RBM20: variants seen among roughly 807,000 people sequenced by gnomAD.
The protein encoded by RBM20 is RNA binding motif protein 20, also known as RNA-binding protein 20.
In RBM20, 51 loss-of-function variants were observed where a neutral mutation model predicts 110.1. That is an observed-to-expected ratio of 0.46 (90% CI 0.37 to 0.59). The LOEUF (loss-of-function observed/expected upper bound fraction) is 0.59. RBM20 is among the 20% of genes least tolerant of loss of function. The probability of loss-of-function intolerance (pLI) is 0.00; values close to 1 mark genes in which losing one functional copy is unlikely to be tolerated. For missense variants in RBM20, 1,512 were observed against 1,574.9 expected (o/e 0.96, Z 0.68); for synonymous variants, 589 against 618.2 (o/e 0.95, Z 0.70).
chr10:110,776,004 A>G (rs1844257592), intron 1 of RBM20, among the ~76,000 whole-genome samples: 1 of 152,196 alleles, frequency 6.6e-6, no homozygotes, highest in Admixed American at 6.5e-5. Context: ...CAATTTAGCA[A>G]CCATGGCATG....
At chr10:110,664,219 T>C (rs1862146189) in intron 1 of RBM20, among the ~76,000 whole-genome samples, 1 of 151,892 alleles carries the variant, frequency 6.6e-6, no homozygotes, top group Non-Finnish European at 1.5e-5. Context: ...CTTAGAAAAA[T>C]GTTGATTCCA....
chr10:110,784,924 A>C (rs779540008), intron 5 of RBM20, 35 bp downstream of exon 5: 3 of 1,245,818 alleles, frequency 2.4e-6, no homozygotes, highest in African/African-American at 1.8e-5. Context: ...GAAATTAATG[A>C]AAATGATTAT....
At chr10:110,780,486 C>A (rs372780655) in intron 1 of RBM20, among the ~76,000 whole-genome samples, 17 of 152,274 alleles carry the variant, frequency 1.1e-4, no homozygotes, top group African/African-American at 3.9e-4. Flanking sequence ...GCCTATTCTA[C>A]TCTCTCTCCA....
intron 1 of RBM20, among the ~76,000 whole-genome samples, chr10:110,661,826 A>G (rs1862107297): frequency 6.6e-6 from 1 of 152,128 alleles, no homozygotes; most frequent in African/African-American, 2.4e-5. Flanking sequence ...CCTGACCAAC[A>G]TGGCAAAACC....
chr10:110,780,367 T>A (rs1466958780), intron 1 of RBM20, among the ~76,000 whole-genome samples: 3 of 152,226 alleles, frequency 2.0e-5, no homozygotes, highest in Non-Finnish European at 4.4e-5. Flanking sequence ...TTTTCTCAGT[T>A]TTGATTTATA....
At position 110,686,808 on chromosome 10, in the gene RBM20, G is replaced by A. The variant is rs543420495; in HGVS notation, c.191+42163G>A. Among the ~76,000 whole-genome samples the A allele has an allele frequency of 3.2e-4, 48 of 152,200 alleles. 1 individual carries two copies. Among genetic ancestry groups the A allele is most frequent in the African/African-American group, 8.7e-4 (36 of 41,526 alleles). ...AATCCTAGCACTTTGGGAGGCTGAG[G>A]CAGGCAGATCATTTGAGGTCAGGAG... is the stretch of plus-strand genomic sequence containing the variant. On this transcript the variant is annotated intron_variant, in intron 1 of 13. Coordinates refer to ENST00000369519, the MANE Select transcript of RBM20 (RefSeq NM_001134363.3).
At chr10:110,689,881 A>G (rs1862562352) in intron 1 of RBM20, among the ~76,000 whole-genome samples, 1 of 152,234 alleles carries the variant, frequency 6.6e-6, no homozygotes, top group Admixed American at 6.5e-5. Flanking sequence ...GATTGCATAT[A>G]TTTAGATGGG....
intron 1 of RBM20, among the ~76,000 whole-genome samples, chr10:110,691,810 G>A (rs1862589883): frequency 1.3e-5 from 2 of 151,332 alleles, no homozygotes; most frequent in Non-Finnish European, 1.5e-5. Context: ...TTCTTTTATT[G>A]CCTGCGCCTT....
At chr10:110,769,509 G>C (rs1188306365) in intron 1 of RBM20, among the ~76,000 whole-genome samples, 2 of 152,090 alleles carry the variant, frequency 1.3e-5, no homozygotes, top group South Asian at 4.1e-4. Context: ...TGAACCTTGA[G>C]TGTTTTTATT....
At chr10:110,752,939 ATATATATTTTTT>A (rs1843874271) in intron 1 of RBM20, among the ~76,000 whole-genome samples, 1 of 93,824 alleles carries the variant, frequency 1.1e-5, no homozygotes, top group Non-Finnish European at 2.2e-5. Flanking sequence ...ATATATATAT[ATATATATTTTTT>A]TTTTTTTTAT....
At chr10:110,753,127 C>CG (rs1843880208) in intron 1 of RBM20, among the ~76,000 whole-genome samples, 1 of 151,150 alleles carries the variant, frequency 6.6e-6, no homozygotes, top group Non-Finnish European at 1.5e-5. Flanking sequence ...TTAGTAGAGA[C>CG]GGGGTTTCAC....
At chr10:110,643,457 G>C (rs142080238), upstream of RBM20, among the ~76,000 whole-genome samples, 1 of 152,366 alleles carries the variant, frequency 6.6e-6, no homozygotes, top group Middle Eastern at 3.4e-3. Context: ...GCAGGTGGAC[G>C]GGCGCACGCG....
At chr10:110,679,681 A>G (rs896054212) in intron 1 of RBM20, among the ~76,000 whole-genome samples, 1 of 152,208 alleles carries the variant, frequency 6.6e-6, no homozygotes, top group Non-Finnish European at 1.5e-5. Flanking sequence ...GAGCCCCTGG[A>G]TCCTCTCTGA....
chr10:110,820,451 A>T (rs1252086317), intron 10 of RBM20, among the ~76,000 whole-genome samples: 2 of 152,206 alleles, frequency 1.3e-5, no homozygotes, highest in Non-Finnish European at 2.9e-5. Flanking sequence ...TGCCCAAAAA[A>T]AGACTCAGGC....
At chr10:110,702,476 T>C (rs945265864) in intron 1 of RBM20, among the ~76,000 whole-genome samples, 21 of 152,290 alleles carry the variant, frequency 1.4e-4, no homozygotes, top group African/African-American at 4.1e-4. Context: ...TTTGGGGCTG[T>C]AATGGGCTCG....
At chr10:110,736,893 G>A (rs1327580748) in intron 1 of RBM20, among the ~76,000 whole-genome samples, 1 of 151,878 alleles carries the variant, frequency 6.6e-6, no homozygotes, top group Non-Finnish European at 1.5e-5. Context: ...AAAAAGACCC[G>A]GCCTGGCGCA....
intron 1 of RBM20, among the ~76,000 whole-genome samples, chr10:110,751,071 G>A (rs147848100): frequency 1.6e-3 from 247 of 152,326 alleles, no homozygotes; most frequent in African/African-American, 5.4e-3. Flanking sequence ...GTAAGAGGAA[G>A]GTAGTGTGGT....
intron 1 of RBM20, among the ~76,000 whole-genome samples, chr10:110,744,826 A>G (rs1055423800): frequency 4.6e-5 from 7 of 152,254 alleles, no homozygotes; most frequent in African/African-American, 1.4e-4. Context: ...AACAAAGGCA[A>G]TGAATCCATC....
At chr10:110,655,287 T>C (rs1253251545) in intron 1 of RBM20, among the ~76,000 whole-genome samples, 5 of 148,666 alleles carry the variant, frequency 3.4e-5, no homozygotes, top group South Asian at 2.3e-4. Flanking sequence ...CCCTTTTTTT[T>C]CCCCTTAAAA....
Sources: allele counts gnomAD v4.1 joint callset (sites outside exome capture counted in the v4.1 genomes callset), GRCh38; gene constraint gnomAD v4.1.1; transcripts MANE v1.5; gene names NCBI Gene and HGNC (gene_info 2026-07-23, HGNC 2026-07-21).